PDIA6: variants seen among roughly 807,000 people sequenced by gnomAD.
PDIA6 encodes protein disulfide isomerase family A member 6.
PDIA6 carries 29 observed loss-of-function variants against 58.4 expected under a neutral mutation model. The observed-to-expected ratio is 0.50, with a 90% CI of 0.37 to 0.68. PDIA6 has a LOEUF of 0.68. PDIA6 is among the 30% of genes least tolerant of loss of function. PDIA6 has a pLI of 0.00. For synonymous variants in PDIA6, 192 were observed against 202.6 expected, an observed-to-expected ratio of 0.95 and a Z score of 0.44; for missense variants, 480 against 551.0, an observed-to-expected ratio of 0.87 and a Z score of 1.29.
intron 1 of PDIA6, chr2:10,821,539 T>C (rs1444497266): frequency 6.6e-6 from 1 of 152,204 alleles, no homozygotes. Context: ...GGAAGCATTG[T>C]TGGAGAATTC....
At chr2:10,789,940 T>C in intron 7 of PDIA6, 51 bp from the exon 8 acceptor site, 2 of 1,508,420 alleles carry the variant, frequency 1.3e-6, no homozygotes, top group Non-Finnish European at 1.8e-6. Context: ...TAATGCAAAA[T>C]AACACAATCT....
intron 10 of PDIA6, among the ~76,000 whole-genome samples, chr2:10,788,376 C>T (rs1277835252): frequency 5.3e-5 from 8 of 151,858 alleles, no homozygotes; most frequent in East Asian, 3.9e-4. Context: ...CAGAGCAGGC[C>T]GGGTGCGGTG....
chr2:10,804,447 GT>G (rs1666648998), intron 1 of PDIA6, among the ~76,000 whole-genome samples: 1 of 105,610 alleles, frequency 9.5e-6, no homozygotes, highest in African/African-American at 2.8e-5. Flanking sequence ...CCCATTGCTT[GT>G]TTTTCTCAGG....
chr2:10,789,948 T>C (rs930199367), intron 7 of PDIA6, 59 bp from the exon 8 acceptor site: 88 of 1,449,762 alleles, frequency 6.1e-5, no homozygotes, highest in Admixed American at 2.0e-5. Flanking sequence ...AATAACACAA[T>C]CTTTACAGTT....
At chr2:10,819,864 A>G (rs1019044687) in intron 1 of PDIA6, among the ~76,000 whole-genome samples, 1 of 152,124 alleles carries the variant, frequency 6.6e-6, no homozygotes, top group Non-Finnish European at 1.5e-5. Flanking sequence ...GAGTTGCCCC[A>G]TGGGTCCTCT....
Position 10,787,351 on chromosome 2 carries a change from T to C in PDIA6, c.1087A>G (p.Asn363Asp). 1 of 1,614,202 alleles carries C rather than the reference T, an allele frequency of 6.2e-7. No individual in the cohort carries two copies. Among genetic ancestry groups the C allele is most frequent in the Non-Finnish European group, 8.5e-7 (1 of 1,180,034 alleles). The change falls in exon 11 of 13, where the codon AAT becomes GAT. Residue 363 changes from asparagine (N) to aspartate (D), a missense_variant. Asn to Asp is a conservative substitution (Grantham distance 23, BLOSUM62 1). Transcript: ENST00000272227. ...GFGYPAMAAI[N>D]ARKMKFALLK... ...AGAGCAAATTTCATCTTGCGTGCAT[T>C]GATGGCGGCCATGGCGGGGTACCCA...
intron 8 of PDIA6, 83 bp from the exon 9 acceptor site, chr2:10,789,064 A>T: frequency 2.2e-6 from 2 of 928,118 alleles, no homozygotes; most frequent in Admixed American, 3.5e-5. Context: ...AGACCTTCGC[A>T]CCGTCACTTT....
chr2:10,830,731 C>T (rs1270687366), intron 1 of PDIA6, among the ~76,000 whole-genome samples: 2 of 152,210 alleles, frequency 1.3e-5, no homozygotes, highest in Admixed American at 6.5e-5. Context: ...AACTGAACTG[C>T]CCCTCCAGGC....
chr2:10,803,906 T>C (rs1666619057), intron 1 of PDIA6, among the ~76,000 whole-genome samples: 1 of 127,504 alleles, frequency 7.8e-6, no homozygotes, highest in South Asian at 2.8e-4. Flanking sequence ...TGTCCTAGTT[T>C]TTGTGTTTTT....
At chr2:10,832,699 T>A (rs1210553753), upstream of PDIA6, among the ~76,000 whole-genome samples, 1 of 151,990 alleles carries the variant, frequency 6.6e-6, no homozygotes, top group Non-Finnish European at 1.5e-5. Flanking sequence ...AATCCTGCAG[T>A]CAGCATCTCC....
At chr2:10,815,923 C>CTAGACCT (rs1463378816), upstream of PDIA6, among the ~76,000 whole-genome samples, 2 of 152,082 alleles carry the variant, frequency 1.3e-5, no homozygotes, top group African/African-American at 4.8e-5. Flanking sequence ...CTAATCATCT[C>CTAGACCT]TAGACCTTTT....
upstream of PDIA6, among the ~76,000 whole-genome samples, chr2:10,813,029 G>A (rs1183190494): frequency 2.6e-5 from 4 of 152,080 alleles, no homozygotes; most frequent in Non-Finnish European, 4.4e-5. Flanking sequence ...CAGCTCCTCC[G>A]GGCCCTCTCG....
chr2:10,788,832 T>G (rs1488477079), intron 9 of PDIA6, 63 bp from the exon 10 acceptor site: 3 of 1,558,526 alleles, frequency 1.9e-6, no homozygotes, highest in Non-Finnish European at 2.7e-6. Context: ...ATTAATCCAT[T>G]TAGAAAGTAT....
intron 1 of PDIA6, chr2:10,819,404 A>G (rs1230543512): frequency 9.2e-7 from 1 of 1,083,574 alleles, no homozygotes; most frequent in South Asian, 1.3e-5. Flanking sequence ...TGGGGAAACT[A>G]TTACCGAATG....
In PDIA6 at chr2:10,792,950, T is replaced by C. The variant is rs111445979; in HGVS notation, c.453+146A>G. The stretch of plus-strand genomic sequence containing the variant: ...AGCAGGCTGGAGGGCTGGTTCCCTC[T>C]GGGATCGGTGGATCCAATCCTCTAT... On this transcript the variant is annotated intron_variant, in intron 5 of 12. Transcript: ENST00000272227. 3,767 of 639,200 alleles carry C rather than the reference T, an allele frequency of 5.9e-3. 108 individuals carry two copies. In the African/African-American group the frequency reaches 0.061, roughly 10 times the overall value. The allele number at this position is 639,200 out of a possible 1,614,324, so 39.6% of individuals were successfully genotyped here. A position where few individuals can be genotyped will look rare whatever the true frequency, so the allele number is the denominator to read the frequency against.
upstream of PDIA6, among the ~76,000 whole-genome samples, chr2:10,833,554 C>T (rs1458030682): frequency 4.6e-5 from 7 of 152,290 alleles, no homozygotes; most frequent in East Asian, 1.9e-4. Context: ...CAGGTAGAGG[C>T]GGCTGGGCCC....
At chr2:10,792,328 A>G (rs955107279) in intron 5 of PDIA6, among the ~76,000 whole-genome samples, 1 of 152,240 alleles carries the variant, frequency 6.6e-6, no homozygotes, top group East Asian at 1.9e-4. Context: ...CAACAGAGCT[A>G]AAAATAACAC....
chr2:10,832,715 C>T (rs751784435), upstream of PDIA6, among the ~76,000 whole-genome samples: 27 of 152,190 alleles, frequency 1.8e-4, no homozygotes, highest in African/African-American at 4.3e-4. Flanking sequence ...TCTCCCGCCT[C>T]GGTCTTCCTT....
intron 1 of PDIA6, among the ~76,000 whole-genome samples, chr2:10,826,909 G>C (rs1370180978): frequency 6.6e-6 from 1 of 152,128 alleles, no homozygotes; most frequent in Non-Finnish European, 1.5e-5. Context: ...GCCTTGGCAC[G>C]ACCTGCTGCC....
Sources: allele counts gnomAD v4.1 joint callset (sites outside exome capture counted in the v4.1 genomes callset), GRCh38; gene constraint gnomAD v4.1.1; transcripts MANE v1.5; gene names NCBI Gene and HGNC (gene_info 2026-07-23, HGNC 2026-07-21).